The following FRMPD4 variants were observed in gnomAD, a reference collection of about 807,000 sequenced individuals.
The protein encoded by FRMPD4 is FERM and PDZ domain containing 4.
FRMPD4 carries 22 observed loss-of-function variants against 94.1 expected under a neutral mutation model. The ratio of observed to expected loss-of-function variants is 0.23; its 90% CI spans 0.17 to 0.33. FRMPD4 has a LOEUF of 0.33. FRMPD4 is among the 10% of genes least tolerant of loss of function. The pLI is 1.00. For missense variants in FRMPD4, 1,111 were observed against 1,339.9 expected, an observed-to-expected ratio of 0.83 and a Z score of 2.67; for synonymous variants, 631 against 548.6, an observed-to-expected ratio of 1.15 and a Z score of -2.10.
intron 1 of FRMPD4, among the ~76,000 whole-genome samples, chrX:12,490,000 G>T (rs1181611913): frequency 9.0e-6 from 1 of 111,433 alleles, no homozygotes; most frequent in Non-Finnish European, 1.9e-5. Flanking sequence ...CAAAAGGACT[G>T]ATACAAGAGT....
At chrX:12,422,173 G>A (rs1225529369) in intron 1 of FRMPD4, among the ~76,000 whole-genome samples, 4 of 112,129 alleles carry the variant, frequency 3.6e-5, no homozygotes, top group Non-Finnish European at 7.5e-5. Context: ...CACCTCCTGT[G>A]TCTCTTATCT....
At chrX:11,825,190 TTGTGTGTGTG>T (rs747320680) in intron 1 of FRMPD4, among the ~76,000 whole-genome samples, 83 of 80,154 alleles carry the variant, frequency 1.0e-3, no homozygotes, top group East Asian at 4.1e-3. Flanking sequence ...TGTGTCTTCT[TTGTGTGTGTG>T]TGTGTGTGTG....
chrX:12,480,472 G>T (rs774387341), intron 1 of FRMPD4, among the ~76,000 whole-genome samples: 1 of 110,232 alleles, frequency 9.1e-6, no homozygotes, highest in Non-Finnish European at 1.9e-5. Context: ...TAGTAATTAT[G>T]AATTTCTGAG....
intron 1 of FRMPD4, among the ~76,000 whole-genome samples, chrX:12,321,420 A>G (rs1036255035): frequency 1.4e-4 from 16 of 111,781 alleles, no homozygotes; most frequent in Admixed American, 7.6e-4. Flanking sequence ...CAATCATTTT[A>G]TTTTTTACTT....
intron 1 of FRMPD4, among the ~76,000 whole-genome samples, chrX:11,852,597 G>A (rs754792961): frequency 5.4e-5 from 6 of 111,262 alleles, no homozygotes; most frequent in African/African-American, 1.6e-4. Flanking sequence ...TACTATGCAG[G>A]GGTTACAATC....
chrX:12,234,206 A>G (rs1417726129), intron 1 of FRMPD4, among the ~76,000 whole-genome samples: 1 of 111,223 alleles, frequency 9.0e-6, no homozygotes, highest in Non-Finnish European at 1.9e-5. Context: ...GCGCACAACC[A>G]GTCAAGCTCT....
chrX:11,928,804 T>G (rs2054103711), intron 3 of FRMPD4, among the ~76,000 whole-genome samples: 1 of 112,504 alleles, frequency 8.9e-6, no homozygotes, highest in Admixed American at 9.4e-5. Flanking sequence ...TAAAGACATA[T>G]GCACATGCAT....
intron 3 of FRMPD4, among the ~76,000 whole-genome samples, chrX:12,058,457 C>T (rs2054866806): frequency 9.0e-6 from 1 of 110,575 alleles, no homozygotes; most frequent in Non-Finnish European, 1.9e-5. Context: ...TTTTGGATAT[C>T]GGTTTCTGGG....
chrX:11,970,960 G>A (rs2054337037), intron 3 of FRMPD4, among the ~76,000 whole-genome samples: 1 of 112,157 alleles, frequency 8.9e-6, no homozygotes, highest in Non-Finnish European at 1.9e-5. Context: ...CTGGTGGTTA[G>A]CATATGAAAT....
chrX:12,696,908 T>A (rs1197347447), intron 9 of FRMPD4, among the ~76,000 whole-genome samples: 1 of 111,703 alleles, frequency 9.0e-6, no homozygotes, highest in Non-Finnish European at 1.9e-5. Context: ...GCCCTGAAGA[T>A]CACAGGTTAA....
At chrX:11,862,960 GT>G (rs772255596) in intron 1 of FRMPD4, among the ~76,000 whole-genome samples, 1,828 of 47,530 alleles carry the variant, frequency 0.038, 72 homozygotes, top group African/African-American at 0.13. Context: ...AGGGAACTTG[GT>G]TTTTTTTTTT....
At chrX:12,622,015 A>AAAGAAAGAAAGAAAGAAAGG (rs1398888625) in intron 4 of FRMPD4, among the ~76,000 whole-genome samples, 4 of 22,002 alleles carry the variant, frequency 1.8e-4, no homozygotes, top group Admixed American at 1.0e-3. Flanking sequence ...AGAAAGAAAG[A>AAAGAAAGAAAGAAAGAAAGG]AAGGAAGGAA....
At chrX:11,851,145 G>A (rs1455775247) in intron 1 of FRMPD4, among the ~76,000 whole-genome samples, 2 of 111,636 alleles carry the variant, frequency 1.8e-5, no homozygotes, top group Non-Finnish European at 3.8e-5. Context: ...GAATGCCACA[G>A]ATTTAAGCTC....
chrX:12,033,977 G>A (rs2054706476), intron 3 of FRMPD4, among the ~76,000 whole-genome samples: 1 of 112,725 alleles, frequency 8.9e-6, no homozygotes, highest in Admixed American at 9.3e-5. Flanking sequence ...GATTACAGGC[G>A]TAAGCCACGG....
At chrX:12,243,797 T>C (rs1157176129) in intron 1 of FRMPD4, among the ~76,000 whole-genome samples, 5 of 67,078 alleles carry the variant, frequency 7.5e-5, no homozygotes, top group Admixed American at 7.1e-4. Flanking sequence ...GGGCTTTTTT[T>C]TTTTTTTTTT....
At chrX:12,294,467 T>TACACACACACAC (rs766103055) in intron 1 of FRMPD4, among the ~76,000 whole-genome samples, 2,060 of 87,186 alleles carry the variant, frequency 0.024, 59 homozygotes, top group African/African-American at 0.084. Context: ...CTCATAACTG[T>TACACACACACAC]ACACACACAC....
intron 1 of FRMPD4, among the ~76,000 whole-genome samples, chrX:12,435,166 A>G (rs1455634961): frequency 6.3e-5 from 7 of 111,732 alleles, no homozygotes; most frequent in Non-Finnish European, 1.3e-4. Context: ...TTTTCTTACT[A>G]TTATAAATGG....
chrX:12,091,561 G>A (rs1336066996), intron 3 of FRMPD4, among the ~76,000 whole-genome samples: 2 of 112,141 alleles, frequency 1.8e-5, no homozygotes, highest in Non-Finnish European at 3.8e-5. Context: ...CCTTATGCAT[G>A]CAGAGGATTT....
chrX:12,694,912 C>T (rs1444290035), intron 9 of FRMPD4, among the ~76,000 whole-genome samples: 4 of 112,214 alleles, frequency 3.6e-5, no homozygotes, highest in African/African-American at 1.3e-4. Context: ...GGAAAGTAAA[C>T]ATTGATACAT....
Sources: gnomAD v4.1 joint callset for allele counts (sites outside exome capture counted in the v4.1 genomes callset) on GRCh38, gnomAD v4.1.1 for gene constraint, MANE v1.5 for transcripts, NCBI Gene and HGNC (gene_info 2026-07-23, HGNC 2026-07-21) for gene names.